Variants in PLXNA2 observed in about 807,000 individuals in gnomAD.
The protein encoded by PLXNA2 is plexin A2.
PLXNA2 carries 91 observed loss-of-function variants against 193.5 expected under a neutral mutation model. The observed-to-expected ratio is 0.47, with a 90% CI of 0.40 to 0.56. The LOEUF (loss-of-function observed/expected upper bound fraction) is 0.56. Ranked by LOEUF, PLXNA2 falls within the 20% of genes least tolerant of loss-of-function variation. The pLI is 0.00. For missense variants in PLXNA2, 1,995 were observed against 2,503.2 expected (o/e 0.80, Z 4.33); for synonymous variants, 997 against 1,027.3 (o/e 0.97, Z 0.56).
In PLXNA2 at chr1:208,165,182, C is replaced by T. The variant is rs186429615; in HGVS notation, c.1372-22719G>A. ...CCTTCTCAGCCTGGAGCTTGGGCAT[C>T]CTTGGCATGCCAGCAGATCTCTGGT... On this transcript the variant is annotated intron_variant, in intron 3 of 31. Coordinates refer to ENST00000367033, the MANE Select transcript of PLXNA2 (RefSeq NM_025179.4). Among the ~76,000 whole-genome samples, 5 of 152,336 alleles carry T rather than the reference C, an allele frequency of 3.3e-5. No homozygotes were observed. In the East Asian group the frequency reaches 9.7e-4, roughly 29 times the overall value.
At chr1:208,056,933 T>A (rs1408703745) in intron 13 of PLXNA2, among the ~76,000 whole-genome samples, 3 of 152,134 alleles carry the variant, frequency 2.0e-5, no homozygotes, top group Admixed American at 1.3e-4. Context: ...TCTCCTCAAC[T>A]CTTCTTCCCT....
chr1:208,107,828 A>G (rs944325622), intron 4 of PLXNA2, among the ~76,000 whole-genome samples: 1 of 151,956 alleles, frequency 6.6e-6, no homozygotes, highest in East Asian at 1.9e-4. Context: ...GGAATTATAC[A>G]ATGGGAGGCC....
chr1:208,028,256 A>G lies in PLXNA2; in HGVS notation c.5439-97T>C, dbSNP rs1020456583. On this transcript the variant is annotated intron_variant, in intron 30 of 31. Transcript: ENST00000367033. This position sits in a 1 kb window ranked among gnomAD's most constrained non-coding sequence, Gnocchi z 4.2. ...GTCCTTCGAGGGCACTGATGTACCCAGTTGCTCCTGCCTCCCTATTTCTCT... is the reference window on the plus strand; with the variant it reads ...GTCCTTCGAGGGCACTGATGTACCCGGTTGCTCCTGCCTCCCTATTTCTCT... 1 of 1,146,264 alleles carries G rather than the reference A, an allele frequency of 8.7e-7. No individual in the cohort carries two copies. The highest frequency in any genetic ancestry group is 1.2e-6 in the Non-Finnish European group (1 of 817,666). The allele number at this position is 1,146,264 out of a possible 1,614,324, so 71.0% of individuals were successfully genotyped here. A position where few individuals can be genotyped will look rare whatever the true frequency, so the allele number is the denominator to read the frequency against.
At chr1:208,222,112 G>C (rs1041923170) in intron 1 of PLXNA2, among the ~76,000 whole-genome samples, 1 of 152,144 alleles carries the variant, frequency 6.6e-6, no homozygotes, top group Non-Finnish European at 1.5e-5. Context: ...CCCATCATCT[G>C]TCTTAGAATG....
intron 1 of PLXNA2, among the ~76,000 whole-genome samples, chr1:208,223,641 T>C (rs1572051555): frequency 6.6e-6 from 1 of 152,198 alleles, no homozygotes. Flanking sequence ...CAGGCAAATG[T>C]CACACTCAGG....
intron 9 of PLXNA2, among the ~76,000 whole-genome samples, chr1:208,085,722 G>A (rs986231712): frequency 6.6e-6 from 1 of 152,198 alleles, no homozygotes; most frequent in African/African-American, 2.4e-5. Flanking sequence ...CTTGCAAGCC[G>A]TTCAGCATCT....
At chr1:208,096,919 GC>G in intron 6 of PLXNA2, 36 bp from the exon 7 acceptor site, 10 of 1,592,578 alleles carry the variant, frequency 6.3e-6, no homozygotes, top group Non-Finnish European at 8.5e-6. Context: ...CCAAAGAAAT[GC>G]CTCAGGAGAC....
chr1:208,113,535 GCT>G (rs1371771644), intron 4 of PLXNA2, among the ~76,000 whole-genome samples: 1 of 143,330 alleles, frequency 7.0e-6, no homozygotes, highest in African/African-American at 2.6e-5. Flanking sequence ...AATCCCAAAT[GCT>G]CTCTCTCTCT....
In PLXNA2 at chr1:208,054,414, T is replaced by C. The variant is rs376191753; in HGVS notation, c.2856+7A>G. On this transcript the variant is annotated splice_region_variant and intron_variant, in intron 14 of 31. Coordinates refer to ENST00000367033, the MANE Select transcript of PLXNA2 (RefSeq NM_025179.4). The stretch of plus-strand genomic sequence containing the variant: ...CACCTGCACCTGGCCCTGGACCCAG[T>C]ACTCACCACGAAGGTGTACTGCTGA... 35 of 1,600,664 alleles carry C rather than the reference T, an allele frequency of 2.2e-5. No individual in the cohort carries two copies. Among genetic ancestry groups the C allele is most frequent in the Non-Finnish European group, 3.0e-5 (35 of 1,167,992 alleles).
intron 1 of PLXNA2, among the ~76,000 whole-genome samples, chr1:208,231,751 G>C (rs1055030294): frequency 6.6e-6 from 1 of 152,224 alleles, no homozygotes; most frequent in Non-Finnish European, 1.5e-5. Context: ...AGAGGACTTA[G>C]GTATATTTGA....
intron 3 of PLXNA2, among the ~76,000 whole-genome samples, chr1:208,161,483 T>C (rs997476596): frequency 6.6e-6 from 1 of 152,070 alleles, no homozygotes; most frequent in Non-Finnish European, 1.5e-5. Flanking sequence ...TTAAAACATC[T>C]CTCAAATTAA....
rs201507261 is a variant in PLXNA2, at chr1:208,084,594, C to A, written c.2098-14G>T. Reference sequence around the variant, plus strand: ...CTGGGGACAGTCCTGGGGGAACAAACGAAGAGGCTCCATCTGTCCCCTGTT... The same window carrying A: ...CTGGGGACAGTCCTGGGGGAACAAAAGAAGAGGCTCCATCTGTCCCCTGTT... On this transcript the variant is annotated splice_polypyrimidine_tract_variant and intron_variant, in intron 9 of 31. Coordinates refer to ENST00000367033, the MANE Select transcript of PLXNA2 (RefSeq NM_025179.4). The A allele has an allele frequency of 1.9e-6, 3 of 1,612,412 alleles. No individual in the cohort carries two copies. In the Admixed American group the frequency reaches 5.0e-5, roughly 27 times the overall value.
At position 208,082,467 on chromosome 1, in the gene PLXNA2, A is replaced by T. The variant is rs750245867; in HGVS notation, c.2340T>A (p.Asp780Glu). The T allele has an allele frequency of 6.2e-7, 1 of 1,614,108 alleles. No individual in the cohort carries two copies. The highest frequency in any genetic ancestry group is 1.1e-5 in the South Asian group (1 of 91,078). The change falls in exon 11 of 32, where the codon GAT becomes GAA. Residue 780 changes from aspartate to glutamate, a missense_variant. By Grantham distance (45) the Asp-to-Glu change is conservative (BLOSUM62 2). Transcript: ENST00000367033. This position sits in a 1 kb window ranked among gnomAD's most constrained non-coding sequence, Gnocchi z 4.2. The part of the protein sequence containing the change: ...DGMDISNLAV[D>E]FAVVWNGNFI... ...AATTGCCGTTCCACACCACAGCGAA[A>T]TCCACGGCCAGATTGCTGATGTCCA...
At chr1:208,077,983 C>T (rs573041220) in intron 12 of PLXNA2, among the ~76,000 whole-genome samples, 12 of 151,940 alleles carry the variant, frequency 7.9e-5, no homozygotes, top group South Asian at 2.1e-4. Flanking sequence ...ATGAAAGGTC[C>T]GGATATGAAG....
At chr1:208,178,173 C>T (rs1015981116) in intron 3 of PLXNA2, among the ~76,000 whole-genome samples, 2 of 152,122 alleles carry the variant, frequency 1.3e-5, no homozygotes, top group Admixed American at 6.5e-5. Context: ...GCTCCCATGG[C>T]ACTGTTTTTG....
chr1:208,177,886 A>T (rs1259039889), intron 3 of PLXNA2, among the ~76,000 whole-genome samples: 1 of 152,188 alleles, frequency 6.6e-6, no homozygotes, highest in Non-Finnish European at 1.5e-5. Flanking sequence ...ATTCTGATGC[A>T]CTCTCAAGTC....
chr1:208,091,940 C>A (rs1454762054), intron 9 of PLXNA2, among the ~76,000 whole-genome samples: 1 of 149,758 alleles, frequency 6.7e-6, no homozygotes, highest in African/African-American at 2.5e-5. Flanking sequence ...TTTGGATTTT[C>A]TAAAATATAG....
In PLXNA2 at chr1:208,082,363, T is replaced by G. The variant is rs1229264546; in HGVS notation, c.2395+49A>C. ...CTCTGATCCCTCTAGCCCCAGTCTT[T>G]CCCGGGGTCGTGAAAAGATCAAACT... is the stretch of plus-strand genomic sequence containing the variant. On this transcript the variant is annotated intron_variant, in intron 11 of 31. Transcript: ENST00000367033. The surrounding 1 kb of genome is among the most constrained non-coding windows in gnomAD (Gnocchi z 4.2). 1.4e-6 allele frequency: 2 copies of G among 1,460,652 alleles called. No homozygotes were observed. Among genetic ancestry groups the G allele is most frequent in the Non-Finnish European group, 1.9e-6 (2 of 1,048,308 alleles). The allele number at this position is 1,460,652 out of a possible 1,614,324, so 90.5% of individuals were successfully genotyped here.
chr1:208,217,818 C>T lies in PLXNA2; in HGVS notation c.105G>A (p.Met35Ile). The T allele has an allele frequency of 6.2e-7, 1 of 1,614,178 alleles. No homozygotes were observed. The highest frequency in any genetic ancestry group is 1.1e-5 in the South Asian group (1 of 91,082). The change falls in exon 2 of 32, where the codon ATG becomes ATA. Residue 35 changes from methionine to isoleucine, a missense_variant. Met to Ile is a conservative substitution (Grantham distance 10, BLOSUM62 1). Around this residue, in one of 3 missense-constraint regions of PLXNA2, gnomAD observed 702 missense variants for 812.9 expected, o/e 0.86. Transcript: ENST00000367033. The surrounding 1 kb of genome is among the most constrained non-coding windows in gnomAD (Gnocchi z 4.7). ...WVLLAPPAAG[M>I]PQFSTFHSEN... ...CAGAGTGGAAGGTGCTGAACTGAGG[C>T]ATGCCGGCTGCTGGGGGGGCCAGCA...
Sources: gnomAD v4.1 joint callset for allele counts (sites outside exome capture counted in the v4.1 genomes callset) on GRCh38, gnomAD v4.1.1 for gene constraint, gnomAD v4.1.1 regional missense constraint, Gnocchi (gnomAD v3.1) non-coding constraint, MANE v1.5 for transcripts, NCBI Gene and HGNC (gene_info 2026-07-23, HGNC 2026-07-21) for gene names.